The following CPHXL variants were observed in gnomAD, a reference collection of about 807,000 sequenced individuals.
CPHXL encodes the protein cytoplasmic polyadenylated homeobox-like protein.
intron 1 of CPHXL, 124 bp from the exon 2 acceptor site, chr16:75,718,582 T>G (rs1959428119): frequency 5.1e-6 from 2 of 394,102 alleles, no homozygotes; most frequent in Non-Finnish European, 4.5e-6. Flanking sequence ...AATCCACGTG[T>G]GACCTCATAG....
At chr16:75,718,225 A>G (rs1206261098) in intron 2 of CPHXL, 40 bp downstream of exon 2, 2 of 398,356 alleles carry the variant, frequency 5.0e-6, no homozygotes, top group African/African-American at 4.1e-5. Context: ...TCTAAAAAAA[A>G]AAAAATCTAG....
intron 1 of CPHXL, among the ~76,000 whole-genome samples, chr16:75,718,825 G>C (rs1334430135): frequency 6.6e-6 from 1 of 152,172 alleles, no homozygotes; most frequent in African/African-American, 2.4e-5. Flanking sequence ...ATCTGGATTT[G>C]AGAATTTATA....
intron 1 of CPHXL, among the ~76,000 whole-genome samples, chr16:75,725,998 T>C (rs893797382): frequency 3.3e-5 from 5 of 151,846 alleles, no homozygotes; most frequent in African/African-American, 1.2e-4. Flanking sequence ...ATGTACAAAA[T>C]TACCAAAAGA....
chr16:75,716,553 C>G (rs1959395354), intron 2 of CPHXL, among the ~76,000 whole-genome samples: 1 of 152,224 alleles, frequency 6.6e-6, no homozygotes. Context: ...GCAGAGCTTT[C>G]CTGCCCTCCC....
chr16:75,714,878 G>C lies in CPHXL; in HGVS notation c.564C>G (p.Ser188=), dbSNP rs1959367996. The C allele has an allele frequency of 2.5e-6, 1 of 398,436 alleles. No individual in the cohort carries two copies. The highest frequency in any genetic ancestry group is 2.1e-5 in the African/African-American group (1 of 48,588). The allele number at this position is 398,436 out of a possible 1,614,324, so 24.7% of individuals were successfully genotyped here. Residue 188 remains serine (S), a synonymous_variant, in exon 3 of 3, where the codon TCC becomes TCG. Transcript: ENST00000640559. ...CTAGTTTCTCCAGATAGGAGCACTG[G>C]GAACCCACCTGTTGACTGGGAATCC... ...KPGIPSQQVG[S]QCSYLEKLGI...
At chr16:75,719,450 G>T (rs542456402) in intron 1 of CPHXL, among the ~76,000 whole-genome samples, 1 of 152,322 alleles carries the variant, frequency 6.6e-6, no homozygotes, top group African/African-American at 2.4e-5. Context: ...CACACCAGGA[G>T]ATTATATGCT....
intron 1 of CPHXL, among the ~76,000 whole-genome samples, chr16:75,724,844 T>C (rs1436665003): frequency 2.0e-5 from 3 of 152,212 alleles, no homozygotes; most frequent in Non-Finnish European, 2.9e-5. Flanking sequence ...ATAGCAGCAC[T>C]ATTCACAATA....
At chr16:75,725,484 G>T (rs1370820227) in intron 1 of CPHXL, among the ~76,000 whole-genome samples, 12 of 143,186 alleles carry the variant, frequency 8.4e-5, no homozygotes, top group African/African-American at 2.3e-4. Context: ...ACGGACTCTC[G>T]CTCTGTCGCC....
chr16:75,720,754 A>G (rs897732413), intron 1 of CPHXL, among the ~76,000 whole-genome samples: 24 of 151,134 alleles, frequency 1.6e-4, no homozygotes, highest in Admixed American at 7.2e-4. Flanking sequence ...TACAGAGAAC[A>G]CCACAAAGAT....
chr16:75,719,927 G>A (rs563413986), intron 1 of CPHXL, among the ~76,000 whole-genome samples: 6 of 152,186 alleles, frequency 3.9e-5, no homozygotes, highest in African/African-American at 1.2e-4. Flanking sequence ...CGATCAGGCA[G>A]CAACATTTGC....
chr16:75,714,962 C>G lies in CPHXL; in HGVS notation c.480G>C (p.Glu160Asp), dbSNP rs1391340482. ...QEMGYNCFSL[E>D]NQETPSQQVG... ...CCTGTTGACTGGGAGTCTCTTGGTT[C>G]TCCAAAGAGAAACAATTATAGCCCA... is the stretch of plus-strand genomic sequence containing the variant. The change falls in exon 3 of 3, where the codon GAG becomes GAC. Residue 160 changes from glutamate to aspartate, a missense_variant. Glu to Asp is a conservative substitution (Grantham distance 45, BLOSUM62 2). Transcript: ENST00000640559. 5.0e-6 allele frequency: 2 copies of G among 398,524 alleles called. No homozygotes were observed. The highest frequency in any genetic ancestry group is 8.8e-6 in the Non-Finnish European group (2 of 226,084). The allele number at this position is 398,524 out of a possible 1,614,324, so 24.7% of individuals were successfully genotyped here. A position where few individuals can be genotyped will look rare whatever the true frequency, so the allele number is the denominator to read the frequency against.
At chr16:75,725,479 C>T (rs1959542846) in intron 1 of CPHXL, among the ~76,000 whole-genome samples, 1 of 147,494 alleles carries the variant, frequency 6.8e-6, no homozygotes, top group South Asian at 2.2e-4. Flanking sequence ...TTGAGACGGA[C>T]TCTCGCTCTG....
chr16:75,724,578 C>G (rs1028211243), intron 1 of CPHXL, among the ~76,000 whole-genome samples: 1 of 152,166 alleles, frequency 6.6e-6, no homozygotes, highest in Admixed American at 6.5e-5. Context: ...CAATGAGATA[C>G]CATCTCACAC....
intron 1 of CPHXL, among the ~76,000 whole-genome samples, chr16:75,725,665 G>GATGGTCTCA (rs1959546716): frequency 6.6e-6 from 1 of 150,538 alleles, no homozygotes; most frequent in South Asian, 2.1e-4. Flanking sequence ...TGTTAGCCAG[G>GATGGTCTCA]ATGGTCTCAA....
intron 2 of CPHXL, among the ~76,000 whole-genome samples, chr16:75,715,428 C>G (rs1409095485): frequency 6.6e-6 from 1 of 152,148 alleles, no homozygotes; most frequent in African/African-American, 2.4e-5. Flanking sequence ...TTGCGCATTT[C>G]TAGAACCATA....
In CPHXL at chr16:75,718,457, A is replaced by C; in HGVS notation, c.27T>G (p.Gly9=). Residue 9 remains glycine (G), a splice_region_variant and synonymous_variant, in exon 2 of 3, where the codon GGT becomes GGG. Transcript: ENST00000640559. MNLDGTSG[G]FPAEEDHHNE... is the part of the protein sequence containing the mutation. ...TATGATGATCCTCTTCAGCTGGGAA[A>C]CCTGACAAAAGTATAAGTAGCGAGA... 1 of 398,488 alleles carries C rather than the reference A, an allele frequency of 2.5e-6. No individual in the cohort carries two copies. Among genetic ancestry groups the C allele is most frequent in the Non-Finnish European group, 4.4e-6 (1 of 226,032 alleles). The allele number at this position is 398,488 out of a possible 1,614,324, so 24.7% of individuals were successfully genotyped here.
At chr16:75,726,295 C>T (rs986426794) in intron 1 of CPHXL, 123 bp downstream of exon 1, 10 of 397,156 alleles carry the variant, frequency 2.5e-5, no homozygotes, top group Admixed American at 8.8e-5. Flanking sequence ...CACAATTTAC[C>T]GGTGAAAAAC....
In CPHXL at chr16:75,718,473, A is replaced by G; in HGVS notation, c.26-15T>C. 2.5e-6 allele frequency: 1 copy of G among 398,566 alleles called. No individual in the cohort carries two copies. The highest frequency in any genetic ancestry group is 4.4e-5 in the Admixed American group (1 of 22,732). 24.7% of individuals were successfully genotyped at this position (398,566 alleles called of 1,614,324 possible). ...AGCTGGGAAACCTGACAAAAGTATA[A>G]GTAGCGAGAAGGGCATTAGAGAATA... On this transcript the variant is annotated splice_polypyrimidine_tract_variant and intron_variant, in intron 1 of 2. Coordinates refer to ENST00000640559, the MANE Select transcript of CPHXL (RefSeq NM_001355613.1).
At position 75,714,498 on chromosome 16, in the gene CPHXL, A is replaced by G. The variant is rs1021855091; in HGVS notation, c.944T>C (p.Leu315Pro). 2.8e-5 allele frequency: 11 copies of G among 398,532 alleles called. No individual in the cohort carries two copies. The highest frequency in any genetic ancestry group is 4.9e-5 in the Non-Finnish European group (11 of 226,094). 24.7% of individuals were successfully genotyped at this position (398,532 alleles called of 1,614,324 possible). Reference sequence around the variant, plus strand: ...ATTCTGAGGCTGTTGGTGCTGCTGCAGGTGATACTGCCAATCATTCTGCTG... The same window carrying G: ...ATTCTGAGGCTGTTGGTGCTGCTGCGGGTGATACTGCCAATCATTCTGCTG... ...QQQQNDWQYH[L>P]QQHQQPQNYL... is the part of the protein sequence containing the mutation. Residue 315 changes from leucine (L) to proline (P), a missense_variant, in exon 3 of 3, where the codon CTG becomes CCG. Coordinates refer to ENST00000640559, the MANE Select transcript of CPHXL (RefSeq NM_001355613.1).
Sources: gnomAD v4.1 joint callset for allele counts (sites outside exome capture counted in the v4.1 genomes callset) on GRCh38, gnomAD v4.1.1 for gene constraint, MANE v1.5 for transcripts, NCBI Gene and HGNC (gene_info 2026-07-23, HGNC 2026-07-21) for gene names.